Variants in ST14 observed in about 807,000 individuals in gnomAD.
ST14 encodes the protein ST14 transmembrane serine protease matriptase, also known as suppressor of tumorigenicity 14 protein.
In ST14, 40 loss-of-function variants were observed where a neutral mutation model predicts 96.5. The ratio of observed to expected loss-of-function variants is 0.41; its 90% CI spans 0.32 to 0.54. The LOEUF is 0.54. Ranked by LOEUF, ST14 falls within the 20% of genes least tolerant of loss-of-function variation. ST14 has a pLI of 0.17. For missense variants in ST14, 1,066 were observed against 1,188.9 expected (o/e 0.90, Z 1.52); for synonymous variants, 506 against 492.1 (o/e 1.03, Z -0.37).
chr11:130,161,434 C>A (rs1223773800), intron 1 of ST14, among the ~76,000 whole-genome samples: 2 of 152,214 alleles, frequency 1.3e-5, no homozygotes, highest in African/African-American at 2.4e-5. Flanking sequence ...TCCGGTGCCC[C>A]CACCCCAAGT....
At position 130,203,499 on chromosome 11, in the gene ST14, G is replaced by A. The variant is rs532030688; in HGVS notation, c.1994+3362G>A. Among the ~76,000 whole-genome samples, 16 of 152,270 alleles carry A rather than the reference G, an allele frequency of 1.1e-4. No homozygotes were observed. The South Asian group carries it at 2.7e-3, about 26-fold the overall frequency. On this transcript the variant is annotated intron_variant, in intron 16 of 18. Transcript: ENST00000278742. ...GATCACCCCAATCTCTTGCTTCAGC[G>A]CCTGCCACGGCTTGCAGTATAAAGC...
At chr11:130,185,637 C>T (rs1392008788) in intron 1 of ST14, among the ~76,000 whole-genome samples, 2 of 152,182 alleles carry the variant, frequency 1.3e-5, no homozygotes, top group African/African-American at 4.8e-5. Flanking sequence ...GCCTGGGCAA[C>T]ACAGCAAGAC....
At chr11:130,205,412 G>GCCA (rs756531568) in intron 16 of ST14, among the ~76,000 whole-genome samples, 3 of 152,188 alleles carry the variant, frequency 2.0e-5, no homozygotes, top group Non-Finnish European at 2.9e-5. Context: ...ACAGGTGTGA[G>GCCA]CCACCGCACC....
intron 9 of ST14, 47 bp from the exon 10 acceptor site, chr11:130,196,292 G>A: frequency 1.4e-6 from 2 of 1,474,706 alleles, no homozygotes; most frequent in Non-Finnish European, 1.9e-6. Context: ...CAGGTTCAGG[G>A]AGGAGGGAGG....
At position 130,208,544 on chromosome 11, in the gene ST14, A is replaced by G. The variant is rs1244573468; in HGVS notation, c.2129A>G (p.Tyr710Cys). The change falls in exon 17 of 19, where the codon TAT becomes TGT. Residue 710 changes from tyrosine to cysteine, a missense_variant. Physicochemically the swap from Tyr to Cys is radical, Grantham distance 194. Coordinates refer to ENST00000278742, the MANE Select transcript of ST14 (RefSeq NM_021978.4). ...TTCTTCAATGACTTCACCTTCGACT[A>G]TGACATCGCGCTGCTGGAGCTGGAG... ...HPFFNDFTFD[Y>C]DIALLELEKP... 5 of 1,614,198 alleles carry G rather than the reference A, an allele frequency of 3.1e-6. No homozygotes were observed. Among genetic ancestry groups the G allele is most frequent in the Non-Finnish European group, 3.4e-6 (4 of 1,180,028 alleles).
intron 7 of ST14, among the ~76,000 whole-genome samples, chr11:130,191,709 A>T (rs1953304702): frequency 6.9e-6 from 1 of 143,922 alleles, no homozygotes. Flanking sequence ...AAAAAAAAAA[A>T]AGAGCCTTTA....
intron 1 of ST14, among the ~76,000 whole-genome samples, chr11:130,163,561 T>C (rs1451858657): frequency 7.9e-5 from 12 of 152,196 alleles, no homozygotes; most frequent in Non-Finnish European, 1.8e-4. Context: ...CATAAAACTT[T>C]AGAGAACTGC....
chr11:130,173,489 G>A (rs1047179494), intron 1 of ST14, among the ~76,000 whole-genome samples: 1 of 151,944 alleles, frequency 6.6e-6, no homozygotes, highest in Non-Finnish European at 1.5e-5. Flanking sequence ...CCAGCTACTC[G>A]GGAGGCTGAG....
Position 130,194,199 on chromosome 11 carries a change from A to T in ST14, c.926A>T (p.Gln309Leu), listed in dbSNP as rs763250048. 6.2e-7 allele frequency: 1 copy of T among 1,614,190 alleles called. No individual in the cohort carries two copies. The highest frequency in any genetic ancestry group is 8.5e-7 in the Non-Finnish European group (1 of 1,180,026). The change falls in exon 8 of 19, where the codon CAG (glutamine) becomes CTG (leucine). Residue 309 changes from glutamine to leucine, a missense_variant. Coordinates refer to ENST00000278742, the MANE Select transcript of ST14 (RefSeq NM_021978.4). ...PSYNLTFHSS[Q>L]NVLLITLITN... ...TACAACCTGACCTTCCACTCCTCCC[A>T]GAACGTCCTGCTCATCACACTGATA... is the stretch of plus-strand genomic sequence containing the variant.
rs57338069 is a variant in ST14 at position 130,164,718 on chromosome 11, CTTATTATTATTA to C, written c.81+4682_81+4693del. ...ACAAGTGTGAGCCCCCACACCCAGCCTTATTATTATTATTATTATTATTATTATTATTATTTT... is the reference window on the plus strand; with the variant it reads ...ACAAGTGTGAGCCCCCACACCCAGCCTTATTATTATTATTATTATTATTTT... On this transcript the variant is annotated intron_variant, in intron 1 of 18. Coordinates refer to ENST00000278742, the MANE Select transcript of ST14 (RefSeq NM_021978.4). Among the ~76,000 whole-genome samples, 396 of 141,586 alleles carry C rather than the reference CTTATTATTATTA, an allele frequency of 2.8e-3. 10 individuals carry two copies. Among genetic ancestry groups the C allele is most frequent in the Admixed American group, 0.022 (305 of 14,146 alleles). 92.9% of individuals were successfully genotyped at this position (141,586 alleles called of 152,430 possible).
rs1308149142 is a variant in ST14, at chr11:130,189,740, G to A, written c.442G>A (p.Glu148Lys). Residue 148 changes from glutamate (E) to lysine (K), a missense_variant and splice_region_variant, in exon 5 of 19, where the codon GAG becomes AAG. Transcript: ENST00000278742. The stretch of plus-strand genomic sequence containing the variant: ...CTCAGGCTCCCGCTCTCTCCCCAGC[G>A]AGGGCAGCGTCATCGCCTACTACTG... ...HKESAVTAFS[E>K]GSVIAYYWSE... 17 of 1,611,832 alleles carry A rather than the reference G, an allele frequency of 1.1e-5. No individual in the cohort carries two copies. The highest frequency in any genetic ancestry group is 1.6e-4 in the Middle Eastern group (1 of 6,082).
chr11:130,198,255 G>T, intron 12 of ST14, 53 bp from the exon 13 acceptor site: 1 of 1,530,628 alleles, frequency 6.5e-7, no homozygotes, highest in Non-Finnish European at 9.1e-7. Flanking sequence ...GCATCCTGGG[G>T]AAGCAGTGAG....
At chr11:130,177,614 C>T (rs1565620214) in intron 1 of ST14, among the ~76,000 whole-genome samples, 1 of 152,154 alleles carries the variant, frequency 6.6e-6, no homozygotes, top group Non-Finnish European at 1.5e-5. Flanking sequence ...TAAGTTGAGA[C>T]CATGCTTGCT....
chr11:130,204,916 T>A (rs1256947162), intron 16 of ST14, among the ~76,000 whole-genome samples: 1 of 152,086 alleles, frequency 6.6e-6, no homozygotes. Context: ...CTGGGTTTAG[T>A]GCTCCGGGGT....
chr11:130,160,083 G>A (rs960518835), intron 1 of ST14, 23 bp downstream of exon 1: 15 of 1,408,332 alleles, frequency 1.1e-5, no homozygotes, highest in Non-Finnish European at 1.3e-5. Context: ...CGGGGACCCG[G>A]GGCGCTGGGA....
intron 15 of ST14, 143 bp from the exon 16 acceptor site, chr11:130,199,808 A>G: frequency 1.1e-6 from 1 of 947,066 alleles, no homozygotes; most frequent in Non-Finnish European, 1.7e-6. Flanking sequence ...GGGGTCCCTC[A>G]CGCCCTGGCC....
At position 130,165,240 on chromosome 11, in the gene ST14, G is replaced by T. The variant is rs190223528; in HGVS notation, c.81+5180G>T. Among the ~76,000 whole-genome samples the T allele has an allele frequency of 4.1e-3, 619 of 152,272 alleles. 2 individuals are homozygous for T. Among genetic ancestry groups the T allele is most frequent in the African/African-American group, 0.014 (586 of 41,542 alleles). On this transcript the variant is annotated intron_variant, in intron 1 of 18. Transcript: ENST00000278742. ...GTTCAGGAGGGGATGGAATACTAAA[G>T]GTTGACAATTCATCAGATTTGGGTA...
In ST14 at chr11:130,196,650, ACACCGACAC is replaced by A; in HGVS notation, c.1306_1314del (p.Thr436_Thr438del). The A allele has an allele frequency of 6.2e-7, 1 of 1,614,082 alleles. No homozygotes were observed. ...GTTCGCTTCCACTCAGATCAGTCCT[ACACCGACAC>A]CGGCTTCTTAGCTGAATACCTCTCC... On this transcript the variant is annotated inframe_deletion, in exon 11 of 19. Coordinates refer to ENST00000278742, the MANE Select transcript of ST14 (RefSeq NM_021978.4).
chr11:130,190,787 C>T (rs1400046829), intron 7 of ST14, 93 bp downstream of exon 7: 6 of 1,430,480 alleles, frequency 4.2e-6, no homozygotes, highest in African/African-American at 2.9e-5. Context: ...CAGTTTATGA[C>T]TCTTGGCCGC....
Sources: allele counts gnomAD v4.1 joint callset (sites outside exome capture counted in the v4.1 genomes callset), GRCh38; gene constraint gnomAD v4.1.1; transcripts MANE v1.5; gene names NCBI Gene and HGNC (gene_info 2026-07-23, HGNC 2026-07-21).